The following RNF223 variants were observed in gnomAD, a reference collection of about 807,000 sequenced individuals.
RNF223 encodes the protein ring finger protein 223.
Under a neutral mutation model 13.9 loss-of-function variants are expected in RNF223, and 10 were observed. That is an observed-to-expected ratio of 0.72 (90% CI 0.44 to 1.22). The LOEUF (loss-of-function observed/expected upper bound fraction) is 1.22. RNF223 is among the 50% of genes most tolerant of loss of function. The pLI is 0.00. For missense variants in RNF223, 379 were observed against 380.0 expected (o/e 1.00, Z 0.02); for synonymous variants, 168 against 173.3 (o/e 0.97, Z 0.24).
At chr1:1,073,606 ACCTCCCGCC>A (rs1303063047) in intron 1 of RNF223, among the ~76,000 whole-genome samples, 1 of 151,754 alleles carries the variant, frequency 6.6e-6, no homozygotes, top group Non-Finnish European at 1.5e-5. Flanking sequence ...ACCCTGCTCC[ACCTCCCGCC>A]CCTCCCCTGC....
chr1:1,073,765 C>T (rs1010116702), intron 1 of RNF223, among the ~76,000 whole-genome samples: 3 of 152,130 alleles, frequency 2.0e-5, no homozygotes, highest in Admixed American at 6.5e-5. Flanking sequence ...GGCACTGCCC[C>T]GCCCCACCCC....
intron 1 of RNF223, among the ~76,000 whole-genome samples, chr1:1,072,791 C>T (rs980480548): frequency 2.0e-5 from 3 of 152,212 alleles, no homozygotes; most frequent in African/African-American, 7.2e-5. Context: ...GGGTGAGCCT[C>T]CCACAGGGCC....
chr1:1,070,979 A>G lies in RNF223; in HGVS notation c.*838T>C, dbSNP rs1303570658. 6.6e-6 allele frequency: 1 copy of G among 152,104 alleles called. No homozygotes were observed. The highest frequency in any genetic ancestry group is 1.5e-5 in the Non-Finnish European group (1 of 68,012). The allele number at this position is 152,104 out of a possible 1,614,324, so 9.4% of individuals were successfully genotyped here. A position where few individuals can be genotyped will look rare whatever the true frequency, so the allele number is the denominator to read the frequency against. On this transcript the variant is annotated 3_prime_UTR_variant, in exon 2 of 2. Transcript: ENST00000453464. Reference sequence around the variant, plus strand: ...CTCTTGCCAAAGATGGATACAAATAATTTATTTTAAAAGGTACAATTCACA... The same window carrying G: ...CTCTTGCCAAAGATGGATACAAATAGTTTATTTTAAAAGGTACAATTCACA...
In RNF223 at chr1:1,071,622, C is replaced by G. The variant is rs1030354960; in HGVS notation, c.*195G>C. 4 of 517,348 alleles carry G rather than the reference C, an allele frequency of 7.7e-6. No homozygotes were observed. Among genetic ancestry groups the G allele is most frequent in the Admixed American group, 7.6e-5 (2 of 26,238 alleles). The allele number at this position is 517,348 out of a possible 1,614,324, so 32.0% of individuals were successfully genotyped here. A position where few individuals can be genotyped will look rare whatever the true frequency, so the allele number is the denominator to read the frequency against. On this transcript the variant is annotated 3_prime_UTR_variant, in exon 2 of 2. Transcript: ENST00000453464. ...TCTTGTCCACCCCGTCAGGACCCAGCCTGGAGAATGAGGGGTGGACAAGCT... is the reference window on the plus strand; with the variant it reads ...TCTTGTCCACCCCGTCAGGACCCAGGCTGGAGAATGAGGGGTGGACAAGCT...
chr1:1,072,588 G>C lies in RNF223; in HGVS notation c.-9-13C>G. On this transcript the variant is annotated splice_polypyrimidine_tract_variant and intron_variant, in intron 1 of 1. Coordinates refer to ENST00000453464, the MANE Select transcript of RNF223 (RefSeq NM_001205252.2). ...ACATGTCTCTGAGCTGTGGGACAGG[G>C]ACTGTGGTAAGCAATCACCGGCCGC... 2 of 1,479,078 alleles carry C rather than the reference G, an allele frequency of 1.4e-6. No individual in the cohort carries two copies. The highest frequency in any genetic ancestry group is 1.8e-6 in the Non-Finnish European group (2 of 1,120,986). The allele number at this position is 1,479,078 out of a possible 1,614,324, so 91.6% of individuals were successfully genotyped here.
In RNF223 at chr1:1,071,751, C is replaced by A. The variant is rs115908330; in HGVS notation, c.*66G>T. 2.6e-3 allele frequency: 3,405 copies of A among 1,313,470 alleles called. 160 individuals carry two copies. In the East Asian group the frequency reaches 0.086, roughly 33 times the overall value. The allele number at this position is 1,313,470 out of a possible 1,614,324, so 81.4% of individuals were successfully genotyped here. The stretch of plus-strand genomic sequence containing the variant: ...TTCCAGTGGCTGCTGTGCCCTTGGG[C>A]CCCCCAGTGGGGGACGCCCCATGGA... On this transcript the variant is annotated 3_prime_UTR_variant, in exon 2 of 2. Coordinates refer to ENST00000453464, the MANE Select transcript of RNF223 (RefSeq NM_001205252.2).
In RNF223 at chr1:1,071,565, G is replaced by A; in HGVS notation, c.*252C>T. On this transcript the variant is annotated 3_prime_UTR_variant, in exon 2 of 2. Coordinates refer to ENST00000453464, the MANE Select transcript of RNF223 (RefSeq NM_001205252.2). Reference sequence around the variant, plus strand: ...ACAGGCGTGAGCCACCGCGCCCGGTGAGACTGTGGTTCTTGGAGGCTTTGG... The same window carrying A: ...ACAGGCGTGAGCCACCGCGCCCGGTAAGACTGTGGTTCTTGGAGGCTTTGG... The A allele has an allele frequency of 2.3e-6, 1 of 431,040 alleles. No individual in the cohort carries two copies. The highest frequency in any genetic ancestry group is 5.0e-5 in the South Asian group (1 of 19,944). The allele number at this position is 431,040 out of a possible 1,614,324, so 26.7% of individuals were successfully genotyped here. A position where few individuals can be genotyped will look rare whatever the true frequency, so the allele number is the denominator to read the frequency against.
intron 1 of RNF223, among the ~76,000 whole-genome samples, chr1:1,073,256 T>G (rs555809618): frequency 6.6e-6 from 1 of 152,268 alleles, no homozygotes; most frequent in South Asian, 2.1e-4. Flanking sequence ...CCCGGGGGCT[T>G]TGGGACGACA....
chr1:1,072,007 C>A lies in RNF223; in HGVS notation c.560G>T (p.Cys187Phe). ...CCTCCAGTCCCTGCAGCGCGCCCAG[C>A]AGCGGGCCAGGCGGCCCCGGCGGGG... ...PAPRRGRLAR[C>F]WARCRDWRRM... The change falls in exon 2 of 2, where the codon TGC (cysteine) becomes TTC (phenylalanine). Residue 187 changes from cysteine to phenylalanine, a missense_variant. Physicochemically the swap from Cys to Phe is radical, Grantham distance 205. Transcript: ENST00000453464. 6.7e-7 allele frequency: 1 copy of A among 1,503,712 alleles called. No homozygotes were observed. The highest frequency in any genetic ancestry group is 8.8e-7 in the Non-Finnish European group (1 of 1,133,826). 93.1% of individuals were successfully genotyped at this position (1,503,712 alleles called of 1,614,324 possible).
intron 1 of RNF223, 77 bp from the exon 2 acceptor site, chr1:1,072,652 C>G: frequency 8.3e-7 from 1 of 1,202,752 alleles, no homozygotes; most frequent in Non-Finnish European, 1.1e-6. Flanking sequence ...TCCCCTCTCT[C>G]GCCCCAGAGA....
intron 1 of RNF223, among the ~76,000 whole-genome samples, chr1:1,072,997 C>T (rs1476416891): frequency 1.3e-5 from 2 of 152,254 alleles, no homozygotes; most frequent in African/African-American, 4.8e-5. Context: ...GGGACTCACA[C>T]AACGCCACAG....
Position 1,072,131 on chromosome 1 carries a change from G to C in RNF223, c.436C>G (p.Pro146Ala), listed in dbSNP as rs1429172120. 3 of 1,517,390 alleles carry C rather than the reference G, an allele frequency of 2.0e-6. No individual in the cohort carries two copies. Among genetic ancestry groups the C allele is most frequent in the Non-Finnish European group, 2.6e-6 (3 of 1,139,734 alleles). The allele number at this position is 1,517,390 out of a possible 1,614,324, so 94.0% of individuals were successfully genotyped here. A position where few individuals can be genotyped will look rare whatever the true frequency, so the allele number is the denominator to read the frequency against. Residue 146 changes from proline (P) to alanine (A), a missense_variant, in exon 2 of 2, where the codon CCA becomes GCA. By Grantham distance (27) the Pro-to-Ala change is conservative. Coordinates refer to ENST00000453464, the MANE Select transcript of RNF223 (RefSeq NM_001205252.2). ...WLEGTKLCCQ[P>A]LPTTPGREPG... is the part of the protein sequence containing the mutation. ...TCGCGGCCAGGTGTGGTGGGCAGTG[G>C]CTGGCAGCACAGCTTGGTGCCCTCC... is the stretch of plus-strand genomic sequence containing the variant.
At position 1,072,490 on chromosome 1, in the gene RNF223, C is replaced by T; in HGVS notation, c.77G>A (p.Arg26Lys). The change falls in exon 2 of 2, where the codon AGG (arginine) becomes AAG (lysine). Residue 26 changes from arginine to lysine, a missense_variant. Arg to Lys is a conservative substitution (Grantham distance 26, BLOSUM62 2). Coordinates refer to ENST00000453464, the MANE Select transcript of RNF223 (RefSeq NM_001205252.2). ...RRSSSIASMP[R>K]SPSSAGSPRS... ...GGGGCTGCCGGCCGAGCTGGGGGAC[C>T]TGGGCATCGAGGCTATGGAGCTGCT... 6.5e-7 allele frequency: 1 copy of T among 1,532,048 alleles called. No individual in the cohort carries two copies. The highest frequency in any genetic ancestry group is 1.2e-5 in the South Asian group (1 of 83,648). 94.9% of individuals were successfully genotyped at this position (1,532,048 alleles called of 1,614,324 possible).
At chr1:1,073,118 G>A (rs1470348080) in intron 1 of RNF223, among the ~76,000 whole-genome samples, 1 of 152,260 alleles carries the variant, frequency 6.6e-6, no homozygotes, top group Non-Finnish European at 1.5e-5. Flanking sequence ...GGGACTCCAA[G>A]TCAAGTGAAG....
chr1:1,072,538 G>A lies in RNF223; in HGVS notation c.29C>T (p.Thr10Met), dbSNP rs771169923. Residue 10 changes from threonine to methionine, a missense_variant, in exon 2 of 2, where the codon ACG becomes ATG. Transcript: ENST00000453464. ...GCTCCGGCGAGGGGGTGGCACAGCCGTGTGCCACACCTGCTGGCCTGACGA... is the reference window on the plus strand; with the variant it reads ...GCTCCGGCGAGGGGGTGGCACAGCCATGTGCCACACCTGCTGGCCTGACGA... MSSGQQVWH[T>M]AVPPPRRSSS... The A allele has an allele frequency of 1.1e-5, 17 of 1,529,982 alleles. No homozygotes were observed. The highest frequency in any genetic ancestry group is 4.0e-5 in the Admixed American group (2 of 50,044). The allele number at this position is 1,529,982 out of a possible 1,614,324, so 94.8% of individuals were successfully genotyped here. A position where few individuals can be genotyped will look rare whatever the true frequency, so the allele number is the denominator to read the frequency against.
intron 1 of RNF223, 54 bp from the exon 2 acceptor site, chr1:1,072,629 T>C: frequency 7.4e-7 from 1 of 1,346,992 alleles, no homozygotes; most frequent in Non-Finnish European, 9.8e-7. Flanking sequence ...TCTGGTGGTG[T>C]TTTATCTCTC....
chr1:1,072,177 C>T lies in RNF223; in HGVS notation c.390G>A (p.Arg130=). 1 of 1,507,356 alleles carries T rather than the reference C, an allele frequency of 6.6e-7. No homozygotes were observed. Among genetic ancestry groups the T allele is most frequent in the Non-Finnish European group, 8.8e-7 (1 of 1,134,440 alleles). The allele number at this position is 1,507,356 out of a possible 1,614,324, so 93.4% of individuals were successfully genotyped here. The part of the protein sequence containing the change: ...QLQARMPAHL[R]REEPVWLEGT... ...CCTCCAGCCACACAGGCTCCTCACG[C>T]CGCAAATGCGCCGGCATCCGGGCCT... The change falls in exon 2 of 2, where the codon CGG becomes CGA. Residue 130 remains arginine (R), a synonymous_variant. Transcript: ENST00000453464.
At chr1:1,073,544 A>G (rs1367746134) in intron 1 of RNF223, among the ~76,000 whole-genome samples, 2 of 152,116 alleles carry the variant, frequency 1.3e-5, no homozygotes, top group Non-Finnish European at 2.9e-5. Context: ...ACACTGGGGG[A>G]TGCTGCTCTG....
Position 1,072,350 on chromosome 1 carries a change from C to A in RNF223, c.217G>T (p.Val73Phe). The change falls in exon 2 of 2, where the codon GTC becomes TTC. Residue 73 changes from valine (V) to phenylalanine (F), a missense_variant. Coordinates refer to ENST00000453464, the MANE Select transcript of RNF223 (RefSeq NM_001205252.2). Reference sequence around the variant, plus strand: ...CGGGCCAGGCACTCCAGGCAGAAGACGTGGGTGCAGGAGAGCTCCTTGGGT... The same window carrying A: ...CGGGCCAGGCACTCCAGGCAGAAGAAGTGGGTGCAGGAGAGCTCCTTGGGT... Reference protein sequence around the residue: ...KTPKELSCTHVFCLECLARLA... With the variant: ...KTPKELSCTHFFCLECLARLA... 1.4e-6 allele frequency: 2 copies of A among 1,452,346 alleles called. No homozygotes were observed. Among genetic ancestry groups the A allele is most frequent in the Non-Finnish European group, 1.8e-6 (2 of 1,109,790 alleles). 90.0% of individuals were successfully genotyped at this position (1,452,346 alleles called of 1,614,324 possible).
Sources: gnomAD v4.1 joint callset for allele counts (sites outside exome capture counted in the v4.1 genomes callset) on GRCh38, gnomAD v4.1.1 for gene constraint, MANE v1.5 for transcripts, NCBI Gene and HGNC (gene_info 2026-07-23, HGNC 2026-07-21) for gene names.